Variants in EVC2 observed in about 807,000 individuals in gnomAD.
EVC2 encodes limbin.
A neutral mutation model predicts 149.3 loss-of-function variants in EVC2; 148 were observed. The ratio of observed to expected loss-of-function variants is 0.99; its 90% CI spans 0.87 to 1.14. The LOEUF is 1.14. Ranked by LOEUF, EVC2 falls within the 50% of genes most tolerant of loss-of-function variation. The pLI is 0.00. For missense variants in EVC2, 1,854 were observed against 1,627.3 expected (o/e 1.14, Z -2.40); for synonymous variants, 776 against 649.9 (o/e 1.19, Z -2.95).
intron 12 of EVC2, among the ~76,000 whole-genome samples, chr4:5,628,092 A>G (rs910065587): frequency 6.6e-6 from 1 of 150,782 alleles, no homozygotes; most frequent in Middle Eastern, 3.2e-3. Flanking sequence ...TCTTCTTCAG[A>G]AATAATAAGT....
At chr4:5,700,719 C>T (rs1216977375) in intron 1 of EVC2, among the ~76,000 whole-genome samples, 1 of 152,214 alleles carries the variant, frequency 6.6e-6, no homozygotes, top group Admixed American at 6.5e-5. Flanking sequence ...TGGGCAACCG[C>T]TCCCATAGGC....
At chr4:5,542,543 C>T (rs1577085451), downstream of EVC2, among the ~76,000 whole-genome samples, 1 of 152,210 alleles carries the variant, frequency 6.6e-6, no homozygotes, top group African/African-American at 2.4e-5. Context: ...GGCCACAACT[C>T]ACCCTTGTCA....
chr4:5,638,549 G>A (rs1016944453), intron 10 of EVC2, among the ~76,000 whole-genome samples: 2 of 152,088 alleles, frequency 1.3e-5, no homozygotes. Context: ...TCATAGACTG[G>A]GCATTACAGG....
rs1321833256 is a variant in EVC2 at position 5,640,179 on chromosome 4, A to G, written c.1470+335T>C. Among the ~76,000 whole-genome samples, 1 of 151,934 alleles carries G rather than the reference A, an allele frequency of 6.6e-6. No individual in the cohort carries two copies. The highest frequency in any genetic ancestry group is 2.4e-5 in the African/African-American group (1 of 41,378). On this transcript the variant is annotated intron_variant, in intron 10 of 21. Transcript: ENST00000344408. This position sits in a 1 kb window ranked among gnomAD's most constrained non-coding sequence, Gnocchi z 4.6. ...GTGGCATGGATGGGAGGGTGGATAA[A>G]TGAGTAGGTGGATGAACAGACAGAT...
chr4:5,538,545 G>A (rs1276509406), downstream of EVC2, among the ~76,000 whole-genome samples: 1 of 151,992 alleles, frequency 6.6e-6, no homozygotes, highest in Admixed American at 6.6e-5. Flanking sequence ...AATATTCCTC[G>A]TGAACTTAGA....
chr4:5,624,744 AG>A, intron 13 of EVC2, among the ~76,000 whole-genome samples: 1 of 152,296 alleles, frequency 6.6e-6, no homozygotes. Context: ...TGATGCTCAA[AG>A]GTGGCAAAGA....
rs1181440074 is a variant in EVC2 at position 5,584,827 on chromosome 4, C to G, written c.2853G>C (p.Glu951Asp). ...VEKVRGELLRERVQRMEAQEG... is the reference protein window; with the variant it reads ...VEKVRGELLRDRVQRMEAQEG... ...CCTGTGCCTCCATCCGCTGCACTCT[C>G]TCCCGCAGCAATTCACCTCGAACCT... The change falls in exon 17 of 22, where the codon GAG (glutamate) becomes GAC (aspartate). Residue 951 changes from glutamate to aspartate, a missense_variant. Transcript: ENST00000344408. 1.2e-6 allele frequency: 2 copies of G among 1,614,206 alleles called. No homozygotes were observed. Among genetic ancestry groups the G allele is most frequent in the Non-Finnish European group, 1.7e-6 (2 of 1,180,040 alleles).
At chr4:5,587,689 A>C (rs1712416024) in intron 16 of EVC2, among the ~76,000 whole-genome samples, 1 of 152,134 alleles carries the variant, frequency 6.6e-6, no homozygotes, top group East Asian at 1.9e-4. Context: ...GAGCTCCCCG[A>C]GTGAGCAATT....
In EVC2 at chr4:5,651,958, A is replaced by G. The variant is rs942423702; in HGVS notation, c.1146-11120T>C. On this transcript the variant is annotated intron_variant, in intron 9 of 21. Transcript: ENST00000344408. ...ATGATTATAATCAGGCGATCACAAA[A>G]TATCACCAATCCAGGCTAAACAGCC... is the stretch of plus-strand genomic sequence containing the variant. Among the ~76,000 whole-genome samples, 3 of 152,246 alleles carry G rather than the reference A, an allele frequency of 2.0e-5. No individual in the cohort carries two copies. In the East Asian group the frequency reaches 5.8e-4, roughly 29 times the overall value.
At chr4:5,593,117 G>A (rs1712985783) in intron 16 of EVC2, among the ~76,000 whole-genome samples, 1 of 152,038 alleles carries the variant, frequency 6.6e-6, no homozygotes, top group Non-Finnish European at 1.5e-5. Context: ...GTTTCTTGAG[G>A]TCTCCCCAGC....
chr4:5,589,692 G>T (rs1320402103), intron 16 of EVC2, among the ~76,000 whole-genome samples: 2 of 152,224 alleles, frequency 1.3e-5, no homozygotes, highest in African/African-American at 2.4e-5. Context: ...GATCAGTTTT[G>T]TCTGCTGTCC....
intron 21 of EVC2, among the ~76,000 whole-genome samples, chr4:5,549,250 T>C (rs1486608372): frequency 6.6e-6 from 1 of 152,194 alleles, no homozygotes; most frequent in Admixed American, 6.5e-5. Flanking sequence ...TAACCTGTAC[T>C]GGGTACCCGG....
intron 21 of EVC2, among the ~76,000 whole-genome samples, chr4:5,552,443 T>C (rs1381642813): frequency 6.6e-6 from 1 of 152,242 alleles, no homozygotes; most frequent in African/African-American, 2.4e-5. Flanking sequence ...GGCTTATCTT[T>C]TGTAGATGTA....
chr4:5,587,305 C>G (rs990074470), intron 16 of EVC2, among the ~76,000 whole-genome samples: 2 of 152,176 alleles, frequency 1.3e-5, no homozygotes, highest in African/African-American at 4.8e-5. Context: ...AACTACCAAT[C>G]TTCTGTTTCT....
chr4:5,607,136 T>A (rs1255507370), intron 16 of EVC2, among the ~76,000 whole-genome samples: 1 of 152,098 alleles, frequency 6.6e-6, no homozygotes, highest in Admixed American at 6.5e-5. Context: ...ATGTATAAGG[T>A]CACCATATGA....
At chr4:5,687,214 G>C (rs1720779411) in intron 5 of EVC2, among the ~76,000 whole-genome samples, 2 of 152,068 alleles carry the variant, frequency 1.3e-5, no homozygotes, top group African/African-American at 4.8e-5. Flanking sequence ...CCGAGATTGT[G>C]CCACTGCACT....
chr4:5,598,474 T>G (rs540476983), intron 16 of EVC2, among the ~76,000 whole-genome samples: 31 of 152,282 alleles, frequency 2.0e-4, no homozygotes, highest in African/African-American at 7.2e-4. Flanking sequence ...GGGGAAAGGA[T>G]TCCCTATTTA....
At chr4:5,553,259 GT>G (rs1721774421) in intron 21 of EVC2, among the ~76,000 whole-genome samples, 1 of 152,104 alleles carries the variant, frequency 6.6e-6, no homozygotes, top group South Asian at 2.1e-4. Context: ...GGGGTGGGTG[GT>G]TTTAAACAAA....
intron 19 of EVC2, among the ~76,000 whole-genome samples, chr4:5,571,668 A>G (rs1175876766): frequency 1.3e-5 from 2 of 152,148 alleles, no homozygotes; most frequent in Non-Finnish European, 2.9e-5. Context: ...TCTCTAGTAC[A>G]AAAAGAAAAC....
Sources: gnomAD v4.1 joint callset for allele counts (sites outside exome capture counted in the v4.1 genomes callset) on GRCh38, gnomAD v4.1.1 for gene constraint, Gnocchi (gnomAD v3.1) non-coding constraint, MANE v1.5 for transcripts, NCBI Gene and HGNC (gene_info 2026-07-23, HGNC 2026-07-21) for gene names.